FGF13: variants seen among roughly 807,000 people sequenced by gnomAD.
FGF13 encodes fibroblast growth factor homologous factor 2.
In FGF13, 2 loss-of-function variants were observed where a neutral mutation model predicts 19.5. The observed-to-expected ratio is 0.10, with a 90% CI of 0.04 to 0.32. FGF13 has a LOEUF of 0.32. Among genes scored for constraint, FGF13 ranks in the 10% least tolerant of loss-of-function variants. FGF13 has a pLI of 1.00. For synonymous variants in FGF13, 72 were observed against 76.9 expected, an observed-to-expected ratio of 0.94 and a Z score of 0.33; for missense variants, 113 against 192.7, an observed-to-expected ratio of 0.59 and a Z score of 2.45.
chrX:139,020,332 G>T (rs192198043), intron 1 of FGF13, among the ~76,000 whole-genome samples: 24 of 111,228 alleles, frequency 2.2e-4, no homozygotes, highest in Admixed American at 2.0e-3. Flanking sequence ...CAAACTACCA[G>T]CTTATCAATG....
chrX:139,130,773 A>T (rs1485017980), intron 1 of FGF13, among the ~76,000 whole-genome samples: 6 of 111,690 alleles, frequency 5.4e-5, no homozygotes, highest in Non-Finnish European at 3.8e-5. Context: ...ATAGTGTTAG[A>T]TTTTATACCA....
chrX:139,196,164 T>C (rs1177014667), intron 1 of FGF13, among the ~76,000 whole-genome samples: 1 of 112,100 alleles, frequency 8.9e-6, no homozygotes, highest in Non-Finnish European at 1.9e-5. Context: ...GCATATACCA[T>C]GTAATGAAAA....
intron 3 of FGF13, among the ~76,000 whole-genome samples, chrX:138,688,937 G>C (rs1040233580): frequency 9.0e-6 from 1 of 111,605 alleles, no homozygotes; most frequent in African/African-American, 3.3e-5. Context: ...TCAATGATAA[G>C]CATCTTTGAA....
intron 3 of FGF13, among the ~76,000 whole-genome samples, chrX:138,676,780 G>A (rs1036042415): frequency 9.8e-5 from 11 of 112,163 alleles, no homozygotes; most frequent in African/African-American, 3.6e-4. Flanking sequence ...ACAGGAGGCG[G>A]AGCTCAGGTG....
intron 1 of FGF13, among the ~76,000 whole-genome samples, chrX:139,186,433 T>C (rs780477429): frequency 8.9e-6 from 1 of 111,964 alleles, no homozygotes; most frequent in Admixed American, 9.4e-5. Flanking sequence ...TTGTCCATCT[T>C]CATTCTTACT....
intron 3 of FGF13, among the ~76,000 whole-genome samples, chrX:138,822,701 T>C (rs1430994488): frequency 8.9e-6 from 1 of 112,481 alleles, no homozygotes; most frequent in African/African-American, 3.2e-5. Flanking sequence ...TGCTCTAAAA[T>C]TTCAAAAATA....
intron 1 of FGF13, among the ~76,000 whole-genome samples, chrX:139,098,324 A>G (rs367772673): frequency 9.0e-6 from 1 of 111,483 alleles, no homozygotes; most frequent in Non-Finnish European, 1.9e-5. Flanking sequence ...GATTTCTGAA[A>G]GAACTAAAAA....
chrX:138,988,419 A>G (rs1198800668), intron 1 of FGF13, among the ~76,000 whole-genome samples: 2 of 112,482 alleles, frequency 1.8e-5, no homozygotes, highest in East Asian at 5.6e-4. Flanking sequence ...CTATATAATG[A>G]TGAGCTATTA....
intron 3 of FGF13, among the ~76,000 whole-genome samples, chrX:138,837,975 A>G (rs2091124134): frequency 8.9e-6 from 1 of 112,030 alleles, no homozygotes; most frequent in Non-Finnish European, 1.9e-5. Context: ...TTAAAGAAAC[A>G]GCCTGGCCAT....
At chrX:138,991,322 G>A (rs749987169) in intron 1 of FGF13, among the ~76,000 whole-genome samples, 7 of 112,149 alleles carry the variant, frequency 6.2e-5, no homozygotes, top group Non-Finnish European at 9.4e-5. Context: ...TGAAATAAAT[G>A]GTTGTTATTG....
chrX:138,961,499 T>C (rs1037082808), intron 1 of FGF13, among the ~76,000 whole-genome samples: 3 of 111,575 alleles, frequency 2.7e-5, no homozygotes, highest in African/African-American at 9.8e-5. Flanking sequence ...AACTCTGTGC[T>C]TGGAGAACCA....
At chrX:138,952,128 T>C (rs2091816421) in intron 1 of FGF13, among the ~76,000 whole-genome samples, 1 of 111,693 alleles carries the variant, frequency 9.0e-6, no homozygotes, top group African/African-American at 3.3e-5. Flanking sequence ...AAGTCAATCC[T>C]AAGCCAAAAG....
At position 139,175,816 on chromosome X, in the gene FGF13, G is replaced by A. The variant is rs761143228; in HGVS notation, c.-113+27600C>T. ...ATCCAGTTTACTAGTATTTTATTGAGGATTTTTGCATCTATGTTCATCATG... is the reference window on the plus strand; with the variant it reads ...ATCCAGTTTACTAGTATTTTATTGAAGATTTTTGCATCTATGTTCATCATG... On this transcript the variant is annotated intron_variant, in intron 1 of 2. Coordinates refer to the FGF13 transcript ENST00000421460. 8.9e-4 allele frequency among the ~76,000 whole-genome samples: 100 copies of A among 111,895 alleles called. 1 individual carries two copies. Among genetic ancestry groups the A allele is most frequent in the Non-Finnish European group, 1.7e-3 (90 of 53,174 alleles).
chrX:138,752,814 A>C (rs891323452), intron 3 of FGF13, among the ~76,000 whole-genome samples: 1 of 112,122 alleles, frequency 8.9e-6, no homozygotes, highest in African/African-American at 3.2e-5. Flanking sequence ...GGTTTAATCT[A>C]AAATATATTT....
At chrX:138,661,402 C>A (rs977187564) in intron 3 of FGF13, among the ~76,000 whole-genome samples, 1 of 111,845 alleles carries the variant, frequency 8.9e-6, no homozygotes, top group Admixed American at 9.5e-5. Context: ...TTACGGCTAA[C>A]GAAGGCTTCA....
intron 1 of FGF13, among the ~76,000 whole-genome samples, chrX:139,155,975 G>A (rs752676853): frequency 1.2e-4 from 13 of 111,985 alleles, no homozygotes; most frequent in Middle Eastern, 4.6e-3. Context: ...GCCACAGCTC[G>A]GGGCTGTTTT....
chrX:138,898,787 T>G (rs1397335240), intron 1 of FGF13, among the ~76,000 whole-genome samples: 1 of 111,766 alleles, frequency 8.9e-6, no homozygotes, highest in African/African-American at 3.3e-5. Flanking sequence ...AGGAGAGAAT[T>G]TGCGTCATCT....
intron 1 of FGF13, among the ~76,000 whole-genome samples, chrX:139,025,257 C>A (rs979834691): frequency 9.0e-5 from 10 of 111,718 alleles, no homozygotes; most frequent in Non-Finnish European, 1.7e-4. Flanking sequence ...CAAATTCCAA[C>A]CTTTGCTGGA....
chrX:139,198,727 C>T (rs1043012213), intron 1 of FGF13, among the ~76,000 whole-genome samples: 1 of 110,857 alleles, frequency 9.0e-6, no homozygotes, highest in African/African-American at 3.3e-5. Context: ...ATAACCCCTC[C>T]CCCACCATTT....
Sources: gnomAD v4.1 joint callset for allele counts (sites outside exome capture counted in the v4.1 genomes callset) on GRCh38, gnomAD v4.1.1 for gene constraint, MANE v1.5 for transcripts, NCBI Gene and HGNC (gene_info 2026-07-23, HGNC 2026-07-21) for gene names.